The following DCAF8 variants were observed in gnomAD, a reference collection of about 807,000 sequenced individuals.
The protein encoded by DCAF8 is DDB1 and CUL4 associated factor 8.
Under a neutral mutation model 68.0 loss-of-function variants are expected in DCAF8, and 20 were observed. The observed-to-expected ratio is 0.29, with a 90% confidence interval of 0.21 to 0.43. The LOEUF is 0.43. Ranked by LOEUF, DCAF8 falls within the 20% of genes least tolerant of loss-of-function variation. DCAF8 has a pLI of 1.00. For missense variants in DCAF8, 460 were observed against 771.0 expected, an observed-to-expected ratio of 0.60 and a Z score of 4.78; for synonymous variants, 230 against 276.9, an observed-to-expected ratio of 0.83 and a Z score of 1.68.
At chr1:160,235,740 ATTT>A (rs556268467) in intron 6 of DCAF8, among the ~76,000 whole-genome samples, 2 of 144,850 alleles carry the variant, frequency 1.4e-5, no homozygotes, top group Non-Finnish European at 3.0e-5. Flanking sequence ...ACTTACAATG[ATTT>A]TTTTTTTTTT....
At chr1:160,233,535 C>A (rs1397936697) in intron 6 of DCAF8, among the ~76,000 whole-genome samples, 3 of 152,150 alleles carry the variant, frequency 2.0e-5, no homozygotes, top group Admixed American at 6.5e-5. Context: ...GCTTCAGGGA[C>A]AAAACTAGCT....
In DCAF8 at chr1:160,239,977, G is replaced by T. The variant is rs1656038292; in HGVS notation, c.443C>A (p.Pro148His). Reference protein sequence around the residue: ...DWVSSETSALPRPRWQALPAL... With the variant: ...DWVSSETSALHRPRWQALPAL... ...AGGGAGGGCTTGCCAGCGAGGTCGG[G>T]GTAGAGCTGATGTTTCTGAGGACAC... Residue 148 changes from proline to histidine, a missense_variant, in exon 4 of 14, where the codon CCC becomes CAC. Physicochemically the swap from Pro to His is moderately conservative, Grantham distance 77 (BLOSUM62 -2). Coordinates refer to ENST00000368074, the MANE Select transcript of DCAF8 (RefSeq NM_015726.4). 1 of 1,614,236 alleles carries T rather than the reference G, an allele frequency of 6.2e-7. No individual in the cohort carries two copies. The highest frequency in any genetic ancestry group is 1.3e-5 in the African/African-American group (1 of 75,058).
rs74940958 is a variant in DCAF8 at position 160,252,345 on chromosome 1, G to A, written c.-26-8311C>T. 4.7e-3 allele frequency among the ~76,000 whole-genome samples: 723 copies of A among 152,258 alleles called. 6 individuals are homozygous for A. Among genetic ancestry groups the A allele is most frequent in the Non-Finnish European group, 8.7e-3 (591 of 68,026 alleles). On this transcript the variant is annotated intron_variant, in intron 2 of 13. Transcript: ENST00000368074. ...AGGAAAAGATTATATTTAGTTTCAG[G>A]GAAAAACGAAATGCTTCCATGGAAA... is the stretch of plus-strand genomic sequence containing the variant.
Position 160,218,381 on chromosome 1 carries a change from A to C in DCAF8, c.1620T>G (p.Phe540Leu). 2.5e-6 allele frequency: 4 copies of C among 1,614,172 alleles called. No homozygotes were observed. The highest frequency in any genetic ancestry group is 3.4e-6 in the Non-Finnish European group (4 of 1,180,028). ...TAAGGAACCACAGCATGTGACTATCAAACAGGTCAGTTTGGTGCAAGCTAT... is the reference window on the plus strand; with the variant it reads ...TAAGGAACCACAGCATGTGACTATCCAACAGGTCAGTTTGGTGCAAGCTAT... ...DEDSLHQTDL[F>L]DSHMLWFLMH... is the part of the protein sequence containing the mutation. The change falls in exon 13 of 14, where the codon TTT becomes TTG. Residue 540 changes from phenylalanine to leucine, a missense_variant. Coordinates refer to ENST00000368074, the MANE Select transcript of DCAF8 (RefSeq NM_015726.4).
intron 2 of DCAF8, among the ~76,000 whole-genome samples, chr1:160,252,674 A>G (rs1393177689): frequency 6.6e-6 from 1 of 152,220 alleles, no homozygotes; most frequent in Admixed American, 6.5e-5. Context: ...AAGCTATTAT[A>G]GTTGCCAAGA....
chr1:160,237,797 C>A (rs1471220642), intron 5 of DCAF8, among the ~76,000 whole-genome samples: 1 of 152,192 alleles, frequency 6.6e-6, no homozygotes, highest in Non-Finnish European at 1.5e-5. Flanking sequence ...ACCTCAGCCT[C>A]CCAAAGTATT....
chr1:160,251,212 TG>T (rs1392908616), intron 2 of DCAF8, among the ~76,000 whole-genome samples: 1 of 152,152 alleles, frequency 6.6e-6, no homozygotes, highest in African/African-American at 2.4e-5. Flanking sequence ...AAGTTTCTCT[TG>T]GGAGGACAGA....
rs1656223913 is a variant in DCAF8 at position 160,244,034 on chromosome 1, C to T, written c.-26G>A. On this transcript the variant is annotated splice_region_variant and 5_prime_UTR_variant, in exon 3 of 14. Transcript: ENST00000368074. ...CTTGAATGATGTTTGCTGTAGCCAG[C>T]CTGGGTTTGGGAGAGGAAGAAACCA... 1 of 1,613,996 alleles carries T rather than the reference C, an allele frequency of 6.2e-7. No individual in the cohort carries two copies. The highest frequency in any genetic ancestry group is 8.5e-7 in the Non-Finnish European group (1 of 1,179,950).
intron 5 of DCAF8, 61 bp downstream of exon 5, chr1:160,238,546 C>A: frequency 1.3e-6 from 2 of 1,507,062 alleles, no homozygotes; most frequent in Non-Finnish European, 1.8e-6. Context: ...TAAGGGAGAA[C>A]CTTGGCTGAG....
intron 2 of DCAF8, 69 bp downstream of exon 2, chr1:160,261,216 G>C (rs1571121285): frequency 6.6e-6 from 1 of 152,314 alleles, no homozygotes; most frequent in Admixed American, 6.5e-5. Flanking sequence ...GACTTTAGTG[G>C]TCAGCAGTTG....
intron 6 of DCAF8, among the ~76,000 whole-genome samples, chr1:160,235,295 G>A (rs1279579194): frequency 7.9e-5 from 12 of 151,574 alleles, no homozygotes; most frequent in Middle Eastern, 3.4e-3. Context: ...CACCACACAC[G>A]GCTAATTTTT....
intron 5 of DCAF8, 115 bp from the exon 6 acceptor site, chr1:160,237,344 G>T: frequency 1.4e-6 from 1 of 701,328 alleles, no homozygotes; most frequent in Non-Finnish European, 2.4e-6. Flanking sequence ...AAAGAGAAAT[G>T]TCTACCTTTT....
intron 9 of DCAF8, 91 bp from the exon 10 acceptor site, chr1:160,224,640 G>A (rs1374972233): frequency 2.1e-6 from 2 of 950,858 alleles, no homozygotes; most frequent in Admixed American, 3.7e-5. Context: ...CTTGCCAGTA[G>A]TGCCCCCTCC....
At chr1:160,224,807 C>T (rs1045629688) in intron 9 of DCAF8, among the ~76,000 whole-genome samples, 5 of 152,258 alleles carry the variant, frequency 3.3e-5, no homozygotes, top group African/African-American at 1.2e-4. Context: ...AGAACCTGCT[C>T]AGGCAAGCAA....
At chr1:160,218,801 G>A (rs1655205945) in intron 12 of DCAF8, 48 bp downstream of exon 12, 1 of 1,610,492 alleles carries the variant, frequency 6.2e-7, no homozygotes. Context: ...AGAATCAACA[G>A]TATGTGGATA....
chr1:160,230,404 G>A (rs1655636742), intron 7 of DCAF8, among the ~76,000 whole-genome samples: 2 of 152,108 alleles, frequency 1.3e-5, no homozygotes, highest in African/African-American at 2.4e-5. Context: ...TTATTACTAA[G>A]GGTCAGAGGA....
At chr1:160,258,623 A>C (rs903376820) in intron 2 of DCAF8, among the ~76,000 whole-genome samples, 1 of 152,018 alleles carries the variant, frequency 6.6e-6, no homozygotes, top group South Asian at 2.1e-4. Flanking sequence ...AACAAAAAAA[A>C]AACAACCAAA....
intron 11 of DCAF8, chr1:160,219,768 C>T (rs1423322292): frequency 6.6e-6 from 1 of 152,224 alleles, no homozygotes; most frequent in South Asian, 2.1e-4. Context: ...CACCCAATGC[C>T]CCCTGCTGTC....
chr1:160,262,111 G>A (rs984733975), intron 1 of DCAF8: 4 of 381,418 alleles, frequency 1.0e-5, no homozygotes, highest in Non-Finnish European at 1.9e-5. Context: ...CAACACCAGG[G>A]CTGACCTGAG....
Sources: gnomAD v4.1 joint callset for allele counts (sites outside exome capture counted in the v4.1 genomes callset) on GRCh38, gnomAD v4.1.1 for gene constraint, MANE v1.5 for transcripts, NCBI Gene and HGNC (gene_info 2026-07-23, HGNC 2026-07-21) for gene names.